The following ANOS1 variants were observed in gnomAD, a reference collection of about 807,000 sequenced individuals.
The protein encoded by ANOS1 is anosmin-1.
In ANOS1, 6 loss-of-function variants were observed where a neutral mutation model predicts 59.0. The observed-to-expected ratio is 0.10, with a 90% CI of 0.06 to 0.20. The LOEUF is 0.20. ANOS1 is among the 10% of genes least tolerant of loss of function. ANOS1 has a pLI of 1.00. For missense variants in ANOS1, 433 were observed against 542.3 expected, an observed-to-expected ratio of 0.80 and a Z score of 2.00; for synonymous variants, 217 against 223.4, an observed-to-expected ratio of 0.97 and a Z score of 0.25.
chrX:8,599,877 C>G (rs1930811703), intron 3 of ANOS1, among the ~76,000 whole-genome samples: 1 of 111,809 alleles, frequency 8.9e-6, no homozygotes, highest in Non-Finnish European at 1.9e-5. Flanking sequence ...ACAAACAAAA[C>G]CACCATTATC....
chrX:8,629,219 G>A lies in ANOS1; in HGVS notation c.256-5549C>T, dbSNP rs191867014. Among the ~76,000 whole-genome samples the A allele has an allele frequency of 3.6e-5, 4 of 110,892 alleles. No individual in the cohort carries two copies. The Admixed American group carries it at 3.8e-4, about 11-fold the overall frequency. Reference sequence around the variant, plus strand: ...TGCACCACTGCACTCTGCAGCCTGGGTAACAGAGTAAGACTCTGTCTCAAA... The same window carrying A: ...TGCACCACTGCACTCTGCAGCCTGGATAACAGAGTAAGACTCTGTCTCAAA... On this transcript the variant is annotated intron_variant, in intron 2 of 13. Coordinates refer to ENST00000262648, the MANE Select transcript of ANOS1 (RefSeq NM_000216.4).
At chrX:8,635,571 C>T (rs756981681) in intron 2 of ANOS1, among the ~76,000 whole-genome samples, 13 of 111,389 alleles carry the variant, frequency 1.2e-4, no homozygotes, top group East Asian at 1.1e-3. Context: ...AGTTTACTGG[C>T]GCACAGACAG....
intron 2 of ANOS1, among the ~76,000 whole-genome samples, chrX:8,644,575 T>C (rs745552764): frequency 3.6e-5 from 4 of 112,323 alleles, no homozygotes; most frequent in Admixed American, 1.9e-4. Context: ...ATTTGCATTC[T>C]GTAGAGAATC....
At chrX:8,689,347 T>C (rs770242966) in intron 2 of ANOS1, among the ~76,000 whole-genome samples, 13 of 110,421 alleles carry the variant, frequency 1.2e-4, no homozygotes, top group Middle Eastern at 4.6e-3. Flanking sequence ...GAATTACTTA[T>C]AAATCATGCC....
chrX:8,533,040 C>G lies in ANOS1; in HGVS notation c.1998G>C (p.Lys666Asn). ...GCTTGTAATGATGTGGATGACGATGCTTAAGATGAGATCCTAAAAAGTGAC... is the reference window on the plus strand; with the variant it reads ...GCTTGTAATGATGTGGATGACGATGGTTAAGATGAGATCCTAAAAAGTGAC... ...PPSSAHRSHL[K>N]HRHPHHYKPS... Residue 666 changes from lysine (K) to asparagine (N), a missense_variant, in exon 14 of 14, where the codon AAG becomes AAC. Physicochemically the swap from Lys to Asn is moderately conservative, Grantham distance 94. Transcript: ENST00000262648. 1 of 1,148,095 alleles carries G rather than the reference C, an allele frequency of 8.7e-7. No homozygotes were observed. 94.6% of individuals were successfully genotyped at this position (1,148,095 alleles called of 1,213,427 possible). A position where few individuals can be genotyped will look rare whatever the true frequency, so the allele number is the denominator to read the frequency against.
chrX:8,661,534 G>A (rs1256245456), intron 2 of ANOS1, among the ~76,000 whole-genome samples: 2 of 112,126 alleles, frequency 1.8e-5, no homozygotes, highest in East Asian at 2.8e-4. Context: ...GCAACTGGGG[G>A]TTAGGACTTC....
At chrX:8,619,953 C>T (rs1931259963) in intron 3 of ANOS1, among the ~76,000 whole-genome samples, 1 of 111,442 alleles carries the variant, frequency 9.0e-6, no homozygotes, top group Non-Finnish European at 1.9e-5. Flanking sequence ...TTTGTTTTGA[C>T]ACAGGCTCTT....
In ANOS1 at chrX:8,568,284, C is replaced by T. The variant is rs1394602627; in HGVS notation, c.1155G>A (p.Leu385=). 2.5e-6 allele frequency: 3 copies of T among 1,208,582 alleles called. No homozygotes were observed. The highest frequency in any genetic ancestry group is 2.2e-5 in the Admixed American group (1 of 45,674). Reference sequence around the variant, plus strand: ...AGTGAAGGGACACCTTTGCACTCTTCAGCCGTGTCTGTCCCCAGTACGTTA... The same window carrying T: ...AGTGAAGGGACACCTTTGCACTCTTTAGCCGTGTCTGTCCCCAGTACGTTA... ...QAITYWGQTR[L]KSAKVSLHFT... is the part of the protein sequence containing the mutation. Residue 385 remains leucine (L), a synonymous_variant, in exon 8 of 14, where the codon CTG becomes CTA. Transcript: ENST00000262648.
chrX:8,549,443 A>G (rs1301036556), intron 9 of ANOS1, among the ~76,000 whole-genome samples: 1 of 112,555 alleles, frequency 8.9e-6, no homozygotes, highest in Non-Finnish European at 1.9e-5. Context: ...TGCCAAATTT[A>G]ATAAGATGCC....
At chrX:8,659,157 G>A (rs1478653692) in intron 2 of ANOS1, among the ~76,000 whole-genome samples, 1 of 110,696 alleles carries the variant, frequency 9.0e-6, no homozygotes, top group Non-Finnish European at 1.9e-5. Context: ...AACCCGGGAG[G>A]CGGAGGTTGC....
chrX:8,608,949 T>C (rs746575544), intron 3 of ANOS1, among the ~76,000 whole-genome samples: 6 of 112,496 alleles, frequency 5.3e-5, no homozygotes, highest in Non-Finnish European at 9.4e-5. Context: ...CCTTTATAAA[T>C]TACCCAGTCT....
At chrX:8,598,519 G>A (rs1257311418) in intron 3 of ANOS1, among the ~76,000 whole-genome samples, 1 of 111,460 alleles carries the variant, frequency 9.0e-6, no homozygotes, top group Non-Finnish European at 1.9e-5. Context: ...GATGCTCTCT[G>A]TGCTCTTGCT....
At chrX:8,666,702 C>G (rs1321766777) in intron 2 of ANOS1, among the ~76,000 whole-genome samples, 1 of 112,097 alleles carries the variant, frequency 8.9e-6, no homozygotes. Context: ...GCCCAAGAAG[C>G]AAAAATGGAC....
intron 9 of ANOS1, among the ~76,000 whole-genome samples, chrX:8,542,093 C>T (rs1180103917): frequency 9.6e-6 from 1 of 104,401 alleles, no homozygotes; most frequent in Admixed American, 1.0e-4. Flanking sequence ...TCTGAGTTCA[C>T]TGCACTTTCA....
In ANOS1 at chrX:8,597,158, T is replaced by C. The variant is rs766841120; in HGVS notation, c.417A>G (p.Lys139=). The change falls in exon 4 of 14, where the codon AAA becomes AAG. Residue 139 remains lysine, a synonymous_variant. Transcript: ENST00000262648. ...VKQGDCPAPE[K]ASGFAAACVE... is the part of the protein sequence containing the mutation. ...CACAGGCGGCCGCAAATCCACTGGC[T>C]TTCTCAGGAGCCGGACAGTCCCCCT... 4 of 1,211,853 alleles carry C rather than the reference T, an allele frequency of 3.3e-6. No homozygotes were observed. The highest frequency in any genetic ancestry group is 4.5e-6 in the Non-Finnish European group (4 of 895,572).
intron 2 of ANOS1, among the ~76,000 whole-genome samples, chrX:8,667,851 G>T (rs78796320): frequency 9.1e-6 from 1 of 110,489 alleles, no homozygotes; most frequent in Non-Finnish European, 1.9e-5. Context: ...TTAGGAGAGT[G>T]GGGGAGCTGA....
intron 2 of ANOS1, among the ~76,000 whole-genome samples, chrX:8,693,873 A>G (rs1235478830): frequency 9.3e-6 from 1 of 107,790 alleles, no homozygotes; most frequent in African/African-American, 3.4e-5. Flanking sequence ...ACAGGTGTGC[A>G]CCACCATGCC....
In ANOS1 at chrX:8,551,140, T is replaced by C. The variant is rs186967845; in HGVS notation, c.1354+2812A>G. Among the ~76,000 whole-genome samples the C allele has an allele frequency of 4.7e-3, 522 of 111,866 alleles. 3 individuals carry two copies. Among genetic ancestry groups the C allele is most frequent in the African/African-American group, 0.016 (504 of 30,797 alleles). Reference sequence around the variant, plus strand: ...CCAGCCATGTGGAACTGTGTGTCCATTAAACCTCTTTTTCCTTATAAATTA... The same window carrying C: ...CCAGCCATGTGGAACTGTGTGTCCACTAAACCTCTTTTTCCTTATAAATTA... On this transcript the variant is annotated intron_variant, in intron 9 of 13. Transcript: ENST00000262648.
intron 9 of ANOS1, among the ~76,000 whole-genome samples, chrX:8,545,268 AAAAG>A (rs1330794181): frequency 1.8e-4 from 18 of 101,595 alleles, no homozygotes; most frequent in East Asian, 3.1e-4. Context: ...CAAAAAAAAA[AAAAG>A]AAAGAAAGAA....
Sources: allele counts gnomAD v4.1 joint callset (sites outside exome capture counted in the v4.1 genomes callset), GRCh38; gene constraint gnomAD v4.1.1; transcripts MANE v1.5; gene names NCBI Gene and HGNC (gene_info 2026-07-23, HGNC 2026-07-21).